EPHA10: variants seen among roughly 807,000 people sequenced by gnomAD.
EPHA10 encodes EPH receptor A10, also known as ephrin type-A receptor 10.
In EPHA10, 120 loss-of-function variants were observed where a neutral mutation model predicts 109.7. The observed-to-expected ratio is 1.09, with a 90% confidence interval of 0.94 to 1.27. EPHA10 has a LOEUF of 1.27. Among genes scored for constraint, EPHA10 ranks in the 50% most tolerant of loss-of-function variants. The probability of loss-of-function intolerance (pLI) is 0.00; values close to 1 mark genes in which losing one functional copy is unlikely to be tolerated. For synonymous variants in EPHA10, 640 were observed against 618.9 expected (o/e 1.03, Z -0.51); for missense variants, 1,396 against 1,411.1 (o/e 0.99, Z 0.17).
At chr1:37,721,912 C>T in intron 10 of EPHA10, 67 bp from the exon 11 acceptor site, 1 of 1,406,628 alleles carries the variant, frequency 7.1e-7, no homozygotes, top group Non-Finnish European at 9.4e-7. Context: ...GCAGGCTGAG[C>T]CGAGGAGAAA....
At chr1:37,722,953 G>A in intron 10 of EPHA10, 88 bp downstream of exon 10, 3 of 1,594,560 alleles carry the variant, frequency 1.9e-6, no homozygotes, top group South Asian at 2.2e-5. Flanking sequence ...TGGGCTTCAG[G>A]ATAGAGGTGT....
At chr1:37,751,978 GA>G (rs1431085435) in intron 5 of EPHA10, among the ~76,000 whole-genome samples, 1 of 152,092 alleles carries the variant, frequency 6.6e-6, no homozygotes, top group East Asian at 1.9e-4. Context: ...AAGTAGAAAA[GA>G]ATGAAAATAA....
rs750207192 is a variant in EPHA10, at chr1:37,719,590, C to T, written c.2580G>A (p.Glu860=). The T allele has an allele frequency of 1.3e-5, 21 of 1,613,632 alleles. No homozygotes were observed. Among genetic ancestry groups the T allele is most frequent in the Non-Finnish European group, 1.7e-5 (20 of 1,179,998 alleles). The change falls in exon 15 of 17, where the codon GAG becomes GAA. Residue 860 remains glutamate, a synonymous_variant. Transcript: ENST00000373048. ...TGGGGGGTGGCAGCCGGAAGCCATC[C>T]TCCACAGCCTTGATCACCTGGGCCA... ...MSGQDVIKAV[E]DGFRLPPPRN... is the part of the protein sequence containing the mutation.
At chr1:37,730,601 G>A (rs894033803) in intron 7 of EPHA10, among the ~76,000 whole-genome samples, 4 of 152,200 alleles carry the variant, frequency 2.6e-5, no homozygotes, top group Admixed American at 6.5e-5. Context: ...TTCAGATGAG[G>A]ATATTCAATT....
In EPHA10 at chr1:37,731,582, C is replaced by A; in HGVS notation, c.1492G>T (p.Gly498Cys). Residue 498 changes from glycine to cysteine, a missense_variant and splice_region_variant, in exon 7 of 17, where the codon GGT becomes TGT. Coordinates refer to ENST00000373048, the MANE Select transcript of EPHA10 (RefSeq NM_001099439.2). Reference sequence around the variant, plus strand: ...ATGGAGTAAGTCTGCTCACTCTGACCCTGGAGAGAGATCAAGAAGTGAAGC... The same window carrying A: ...ATGGAGTAAGTCTGCTCACTCTGACACTGGAGAGAGATCAAGAAGTGAAGC... ...TEYEIRYYEK[G>C]QSEQTYSMVK... 6.2e-7 allele frequency: 1 copy of A among 1,602,540 alleles called. No individual in the cohort carries two copies.
chr1:37,749,837 T>C (rs897827715), intron 5 of EPHA10, among the ~76,000 whole-genome samples: 5 of 152,224 alleles, frequency 3.3e-5, no homozygotes, highest in African/African-American at 1.2e-4. Flanking sequence ...CTAGACAGCA[T>C]AGCCTATGAC....
rs1311068641 is a variant in EPHA10, at chr1:37,716,852, C to T, written c.*1520G>A. The T allele has an allele frequency of 2.6e-5, 6 of 232,988 alleles. No homozygotes were observed. Among genetic ancestry groups the T allele is most frequent in the Non-Finnish European group, 5.1e-5 (6 of 117,964 alleles). The allele number at this position is 232,988 out of a possible 1,614,324, so 14.4% of individuals were successfully genotyped here. A position where few individuals can be genotyped will look rare whatever the true frequency, so the allele number is the denominator to read the frequency against. ...ACACATTAAGAGAGTGGCTATCTCC[C>T]CCTCCAGCCCACCTACCCACTGACC... On this transcript the variant is annotated 3_prime_UTR_variant, in exon 17 of 17. Coordinates refer to ENST00000373048, the MANE Select transcript of EPHA10 (RefSeq NM_001099439.2).
rs372793087 is a variant in EPHA10, at chr1:37,727,087, G to C, written c.1772+15C>G. The C allele has an allele frequency of 6.2e-6, 10 of 1,600,604 alleles. No individual in the cohort carries two copies. In the South Asian group the frequency reaches 1.1e-4, roughly 18 times the overall value. ...GACCCACCAGGAGTCACCTAGGCTG[G>C]GGCCAGCCACCTACCTCCTCCAAAT... On this transcript the variant is annotated intron_variant, in intron 8 of 16. Transcript: ENST00000373048.
chr1:37,751,577 A>G (rs1646327521), intron 5 of EPHA10, among the ~76,000 whole-genome samples: 2 of 151,474 alleles, frequency 1.3e-5, no homozygotes, highest in Admixed American at 1.3e-4. Flanking sequence ...CAAAAAAAAA[A>G]AAAAGAAAGT....
At chr1:37,743,719 A>C (rs1646189477) in intron 5 of EPHA10, among the ~76,000 whole-genome samples, 1 of 152,168 alleles carries the variant, frequency 6.6e-6, no homozygotes, top group African/African-American at 2.4e-5. Context: ...GATTTCGCCC[A>C]CCTGTAGGCT....
intron 5 of EPHA10, 71 bp downstream of exon 5, chr1:37,752,805 G>C: frequency 9.0e-7 from 1 of 1,112,776 alleles, no homozygotes; most frequent in Non-Finnish European, 1.1e-6. Flanking sequence ...CAGGACCGAC[G>C]GGGCGGCCCC....
rs1213421564 is a variant in EPHA10, at chr1:37,761,816, T to C, written c.439A>G (p.Ser147Gly). ...LGRGRPRLGG[S>G]RPRKIDTIAA... is the part of the protein sequence containing the mutation. ...ATCGTGTCGATTTTGCGGGGCCGGCTGCCGCCTAGGCGGGGACGCCCACGG... is the reference window on the plus strand; with the variant it reads ...ATCGTGTCGATTTTGCGGGGCCGGCCGCCGCCTAGGCGGGGACGCCCACGG... Residue 147 changes from serine (S) to glycine (G), a missense_variant, in exon 3 of 17, where the codon AGC becomes GGC. Coordinates refer to ENST00000373048, the MANE Select transcript of EPHA10 (RefSeq NM_001099439.2). The C allele has an allele frequency of 6.2e-7, 1 of 1,613,462 alleles. No individual in the cohort carries two copies. Among genetic ancestry groups the C allele is most frequent in the African/African-American group, 1.3e-5 (1 of 74,922 alleles).
intron 6 of EPHA10, chr1:37,734,494 A>C (rs1263357920): frequency 2.6e-6 from 1 of 391,296 alleles, no homozygotes; most frequent in Non-Finnish European, 5.0e-6. Context: ...AGATCATGTC[A>C]CTGCACTCCA....
chr1:37,728,942 T>C (rs1569663708), intron 7 of EPHA10, among the ~76,000 whole-genome samples: 1 of 152,034 alleles, frequency 6.6e-6, no homozygotes. Flanking sequence ...TGAGATGGCA[T>C]CCCTACCTCC....
In EPHA10 at chr1:37,722,612, C is replaced by A. The variant is rs540742959; in HGVS notation, c.1960+429G>T. 2.6e-5 allele frequency among the ~76,000 whole-genome samples: 4 copies of A among 152,344 alleles called. No individual in the cohort carries two copies. The South Asian group carries it at 8.3e-4, about 32-fold the overall frequency. The stretch of plus-strand genomic sequence containing the variant: ...ACATTAGCCCCCAGAAGGCAGATAT[C>A]ATGCCCATTTCTCAGATGAGAAACT... On this transcript the variant is annotated intron_variant, in intron 10 of 16. Transcript: ENST00000373048.
chr1:37,751,214 A>AAAG (rs1553139940), intron 5 of EPHA10, among the ~76,000 whole-genome samples: 2 of 122,580 alleles, frequency 1.6e-5, no homozygotes, highest in East Asian at 2.6e-4. Context: ...AAAAAAAAAA[A>AAAG]AAAGAAAGAA....
chr1:37,729,789 C>T (rs530005793), intron 7 of EPHA10, among the ~76,000 whole-genome samples: 45 of 151,910 alleles, frequency 3.0e-4, no homozygotes, highest in African/African-American at 1.1e-3. Context: ...GGGAGGACCA[C>T]TTAAGCCTGG....
Position 37,765,099 on chromosome 1 carries a change from G to A in EPHA10, c.-33C>T. The stretch of plus-strand genomic sequence containing the variant: ...AGACCGAGCTGTCAGTCCGGCGGCG[G>A]CTCAAGCCGCGCCAGCCTAGCACCG... On this transcript the variant is annotated 5_prime_UTR_variant, in exon 1 of 17. Transcript: ENST00000373048. The A allele has an allele frequency of 1.9e-6, 3 of 1,550,668 alleles. No individual in the cohort carries two copies. Among genetic ancestry groups the A allele is most frequent in the Non-Finnish European group, 1.7e-6 (2 of 1,150,382 alleles).
At position 37,719,625 on chromosome 1, in the gene EPHA10, G is replaced by A. The variant is rs1645753316; in HGVS notation, c.2563-18C>T. 3.4e-5 allele frequency: 55 copies of A among 1,611,492 alleles called. No homozygotes were observed. The highest frequency in any genetic ancestry group is 4.6e-5 in the Non-Finnish European group (54 of 1,179,188). On this transcript the variant is annotated intron_variant, in intron 14 of 16. Transcript: ENST00000373048. ...TTGATCACCTGGGCCACAGGGGTGG[G>A]GAGCAGAGAGGAGGCTCTGGGTTTC...
Sources: gnomAD v4.1 joint callset for allele counts (sites outside exome capture counted in the v4.1 genomes callset) on GRCh38, gnomAD v4.1.1 for gene constraint, MANE v1.5 for transcripts, NCBI Gene and HGNC (gene_info 2026-07-23, HGNC 2026-07-21) for gene names.